NOL4: variants seen among roughly 807,000 people sequenced by gnomAD.
NOL4 encodes nucleolar protein 4.
Under a neutral mutation model 75.9 loss-of-function variants are expected in NOL4, and 17 were observed. The ratio of observed to expected loss-of-function variants is 0.22; its 90% CI spans 0.15 to 0.34. NOL4 has a LOEUF of 0.34. NOL4 is among the 10% of genes least tolerant of loss of function. The probability of loss-of-function intolerance (pLI) is 1.00; values close to 1 mark genes in which losing one functional copy is unlikely to be tolerated. For synonymous variants in NOL4, 292 were observed against 289.9 expected, an observed-to-expected ratio of 1.01 and a Z score of -0.07; for missense variants, 614 against 793.5, an observed-to-expected ratio of 0.77 and a Z score of 2.72.
At chr18:34,169,523 G>A (rs1418538870) in intron 1 of NOL4, among the ~76,000 whole-genome samples, 3 of 149,542 alleles carry the variant, frequency 2.0e-5, no homozygotes, top group Non-Finnish European at 4.4e-5. Context: ...AAATGTATAT[G>A]TTCTAATGAA....
At chr18:33,980,864 G>A (rs1417676844) in intron 6 of NOL4, among the ~76,000 whole-genome samples, 4 of 151,898 alleles carry the variant, frequency 2.6e-5, no homozygotes, top group South Asian at 2.1e-4. Flanking sequence ...AGAACCAGAC[G>A]CAGGTATGGC....
chr18:34,202,900 C>A (rs1411076918), intron 1 of NOL4, among the ~76,000 whole-genome samples: 1 of 151,956 alleles, frequency 6.6e-6, no homozygotes, highest in African/African-American at 2.4e-5. Context: ...ACTAAACATA[C>A]AATTAACCCA....
chr18:33,869,460 G>A (rs1013116710), intron 10 of NOL4, among the ~76,000 whole-genome samples: 2 of 151,872 alleles, frequency 1.3e-5, no homozygotes, highest in African/African-American at 4.8e-5. Context: ...TTTGCTCTTA[G>A]AGTCTAATAA....
intron 1 of NOL4, among the ~76,000 whole-genome samples, chr18:34,190,740 A>G (rs1345804410): frequency 6.6e-6 from 1 of 151,710 alleles, no homozygotes; most frequent in East Asian, 1.9e-4. Context: ...ATACACATAA[A>G]TATATTTTAC....
chr18:34,100,553 T>C (rs572394406), intron 4 of NOL4, among the ~76,000 whole-genome samples: 8 of 152,354 alleles, frequency 5.3e-5, no homozygotes, highest in Non-Finnish European at 7.4e-5. Context: ...TGTAGACATA[T>C]TGAAAAACCT....
intron 9 of NOL4, among the ~76,000 whole-genome samples, chr18:33,916,938 A>G (rs1007993731): frequency 6.6e-6 from 1 of 152,192 alleles, no homozygotes; most frequent in African/African-American, 2.4e-5. Context: ...AGTGAAAAAC[A>G]ATGGAACTAC....
rs901955319 is a variant in NOL4 at position 34,096,689 on chromosome 18, T to C, written c.640-3092A>G. 3.3e-5 allele frequency among the ~76,000 whole-genome samples: 5 copies of C among 152,282 alleles called. No homozygotes were observed. The South Asian group carries it at 6.2e-4, about 19-fold the overall frequency. ...ATACTGTGTGAGCTTATTTCTTACA[T>C]GACTAAAATCTCATGATAATGAAAG... On this transcript the variant is annotated intron_variant, in intron 4 of 10. Coordinates refer to ENST00000261592, the MANE Select transcript of NOL4 (RefSeq NM_003787.5).
chr18:33,976,373 T>C (rs2071488908), intron 6 of NOL4, among the ~76,000 whole-genome samples: 1 of 122,226 alleles, frequency 8.2e-6, no homozygotes, highest in South Asian at 2.2e-4. Context: ...TAAAAGAATT[T>C]CTTGAGAGAG....
At chr18:33,971,118 A>C (rs1204604643) in intron 6 of NOL4, among the ~76,000 whole-genome samples, 2 of 152,206 alleles carry the variant, frequency 1.3e-5, no homozygotes, top group African/African-American at 2.4e-5. Flanking sequence ...AATGTTTTTC[A>C]TTCTAAACTA....
At chr18:34,129,673 A>G (rs1030341340) in intron 2 of NOL4, among the ~76,000 whole-genome samples, 198 bp downstream of exon 2, 1 of 151,884 alleles carries the variant, frequency 6.6e-6, no homozygotes, top group African/African-American at 2.4e-5. Context: ...TGAAAATTCT[A>G]GAGACAGTTT....
chr18:33,952,682 T>C (rs1027667589), intron 8 of NOL4, among the ~76,000 whole-genome samples: 4 of 152,186 alleles, frequency 2.6e-5, no homozygotes, highest in African/African-American at 9.6e-5. Context: ...CCCAGCACTT[T>C]GGGAGGCCAA....
intron 1 of NOL4, chr18:34,221,545 A>T (rs2037299877): frequency 6.6e-6 from 1 of 152,054 alleles, no homozygotes; most frequent in Non-Finnish European, 1.5e-5. Context: ...CCACATGCTA[A>T]AGGAGAAGAC....
chr18:33,938,763 A>G (rs2145513414), intron 9 of NOL4, among the ~76,000 whole-genome samples: 1 of 152,278 alleles, frequency 6.6e-6, no homozygotes, highest in South Asian at 2.1e-4. Context: ...TTGGCTGTGC[A>G]GAAGCTCTTT....
chr18:34,223,349 G>A lies in NOL4; in HGVS notation c.-96C>T. 5.3e-6 allele frequency: 8 copies of A among 1,510,922 alleles called. No individual in the cohort carries two copies. Among genetic ancestry groups the A allele is most frequent in the Non-Finnish European group, 7.1e-6 (8 of 1,128,232 alleles). 93.6% of individuals were successfully genotyped at this position (1,510,922 alleles called of 1,614,324 possible). A position where few individuals can be genotyped will look rare whatever the true frequency, so the allele number is the denominator to read the frequency against. On this transcript the variant is annotated 5_prime_UTR_variant, in exon 1 of 11. Transcript: ENST00000261592. ...AAATGCAGCCCCGGCCACGTTGCAG[G>A]GATGCGAGGTCCCGGCCGCAGCGGG...
chr18:33,948,317 A>G (rs2068975844), intron 8 of NOL4, among the ~76,000 whole-genome samples: 1 of 151,998 alleles, frequency 6.6e-6, no homozygotes, highest in Non-Finnish European at 1.5e-5. Context: ...GTTACTTTAT[A>G]AAACACATTA....
At chr18:33,954,379 A>G (rs1229182498) in intron 8 of NOL4, among the ~76,000 whole-genome samples, 1 of 152,114 alleles carries the variant, frequency 6.6e-6, no homozygotes, top group African/African-American at 2.4e-5. Flanking sequence ...TGAGAACCAT[A>G]GTCTGGATAA....
intron 1 of NOL4, among the ~76,000 whole-genome samples, chr18:34,198,210 T>C (rs895086267): frequency 1.3e-5 from 2 of 151,804 alleles, no homozygotes; most frequent in Non-Finnish European, 1.5e-5. Flanking sequence ...CTTGAAAGGG[T>C]ATATTAGTTT....
intron 10 of NOL4, among the ~76,000 whole-genome samples, chr18:33,874,882 A>G (rs1376776000): frequency 1.3e-5 from 2 of 152,034 alleles, no homozygotes; most frequent in African/African-American, 4.8e-5. Context: ...TCATAACTAA[A>G]GGACCTGAGC....
intron 5 of NOL4, among the ~76,000 whole-genome samples, chr18:34,032,715 C>T (rs1029209105): frequency 6.6e-6 from 1 of 152,128 alleles, no homozygotes; most frequent in Admixed American, 6.5e-5. Context: ...CCCACTGCTG[C>T]CTACCAGAAT....
Sources: gnomAD v4.1 joint callset for allele counts (sites outside exome capture counted in the v4.1 genomes callset) on GRCh38, gnomAD v4.1.1 for gene constraint, MANE v1.5 for transcripts, NCBI Gene and HGNC (gene_info 2026-07-23, HGNC 2026-07-21) for gene names.